Variants in OPA1 observed in about 807,000 individuals in gnomAD.
OPA1 encodes the protein OPA1 mitochondrial dynamin like GTPase, also known as dynamin-like GTPase OPA1, mitochondrial.
In OPA1, 59 loss-of-function variants were observed where a neutral mutation model predicts 152.9. The ratio of observed to expected loss-of-function variants is 0.39; its 90% CI spans 0.31 to 0.48. OPA1 has a LOEUF of 0.48. OPA1 is among the 20% of genes least tolerant of loss of function. The probability of loss-of-function intolerance (pLI) is 0.96; values close to 1 mark genes in which losing one functional copy is unlikely to be tolerated. For missense variants in OPA1, 1,008 were observed against 1,216.8 expected (o/e 0.83, Z 2.55); for synonymous variants, 400 against 389.9 (o/e 1.03, Z -0.31).
chr3:193,665,029 T>G (rs763942680), intron 27 of OPA1, 33 bp downstream of exon 27: 82 of 1,162,310 alleles, frequency 7.1e-5, no homozygotes, highest in Non-Finnish European at 9.6e-5. Flanking sequence ...GAAGTATTTT[T>G]AAGCAACAGT....
Position 193,635,433 on chromosome 3 carries a change from A to C in OPA1, c.859A>C (p.Ile287Leu). The C allele has an allele frequency of 6.3e-7, 1 of 1,598,308 alleles. No homozygotes were observed. The highest frequency in any genetic ancestry group is 8.6e-7 in the Non-Finnish European group (1 of 1,165,910). Residue 287 changes from isoleucine to leucine, a missense_variant, in exon 9 of 31, where the codon ATC becomes CTC. Coordinates refer to ENST00000361510, the MANE Select transcript of OPA1 (RefSeq NM_130837.3). ...LLHTQLKYQR[I>L]LERLEKENKE... ...TTTATTGCAGTTGAAGTATCAGAGA[A>C]TCTTGGAACGATTAGAAAAGGAGAA...
At chr3:193,627,755 A>AT (rs1731395467) in intron 7 of OPA1, among the ~76,000 whole-genome samples, 2 of 152,306 alleles carry the variant, frequency 1.3e-5, no homozygotes, top group South Asian at 4.1e-4. Context: ...GCTAATGTTC[A>AT]TTTTAAGCCT....
intron 29 of OPA1, among the ~76,000 whole-genome samples, chr3:193,688,325 C>G (rs1721191922): frequency 6.6e-6 from 1 of 151,808 alleles, no homozygotes; most frequent in South Asian, 2.1e-4. Flanking sequence ...TTAGTCTTCT[C>G]AAGAGGGCAT....
chr3:193,691,151 G>T (rs1560083014), intron 29 of OPA1, among the ~76,000 whole-genome samples: 1 of 152,230 alleles, frequency 6.6e-6, no homozygotes, highest in Admixed American at 6.5e-5. Context: ...AGCTCAGGAG[G>T]TTGAGGCTGC....
intron 29 of OPA1, among the ~76,000 whole-genome samples, chr3:193,676,746 C>T (rs1280178663): frequency 3.3e-5 from 5 of 151,996 alleles, no homozygotes; most frequent in Admixed American, 6.6e-5. Context: ...TTTAGGAGGC[C>T]AAGGTGGGCG....
At chr3:193,659,096 CTT>C (rs946179903) in intron 24 of OPA1, 101 bp downstream of exon 24, 37 of 863,656 alleles carry the variant, frequency 4.3e-5, no homozygotes, top group Non-Finnish European at 6.8e-5. Flanking sequence ...ATTTCAAAGT[CTT>C]TGTCATTAAT....
At chr3:193,681,208 C>G (rs1192599987) in intron 29 of OPA1, among the ~76,000 whole-genome samples, 3 of 152,022 alleles carry the variant, frequency 2.0e-5, no homozygotes, top group Non-Finnish European at 4.4e-5. Flanking sequence ...AAATATTGTC[C>G]CTCTATGGCC....
intron 20 of OPA1, chr3:193,648,591 A>G (rs756289391): frequency 1.4e-5 from 7 of 509,618 alleles, no homozygotes; most frequent in South Asian, 6.5e-5. Context: ...TTGAGAAGGT[A>G]GATATTTATG....
At chr3:193,688,243 ACT>A (rs576875580) in intron 29 of OPA1, among the ~76,000 whole-genome samples, 150 of 151,488 alleles carry the variant, frequency 9.9e-4, no homozygotes, top group African/African-American at 3.4e-3. Context: ...GACACTGAAG[ACT>A]CTGAGCATTT....
At chr3:193,651,732 G>T (rs1304802505) in intron 21 of OPA1, among the ~76,000 whole-genome samples, 1 of 152,050 alleles carries the variant, frequency 6.6e-6, no homozygotes, top group Admixed American at 6.6e-5. Context: ...AAAACAGTAT[G>T]TATAATTATG....
At chr3:193,681,353 T>C (rs1420721419) in intron 29 of OPA1, among the ~76,000 whole-genome samples, 1 of 152,224 alleles carries the variant, frequency 6.6e-6, no homozygotes, top group African/African-American at 2.4e-5. Flanking sequence ...TTAGTTTGTT[T>C]ATTAATTCCC....
At chr3:193,611,505 G>A (rs1161039945) in intron 1 of OPA1, among the ~76,000 whole-genome samples, 2 of 146,974 alleles carry the variant, frequency 1.4e-5, no homozygotes, top group African/African-American at 2.5e-5. Context: ...GCTGAGGCAA[G>A]AGAATTGCTT....
At chr3:193,690,409 T>G (rs1721525484) in intron 29 of OPA1, among the ~76,000 whole-genome samples, 2 of 145,264 alleles carry the variant, frequency 1.4e-5, no homozygotes, top group Admixed American at 1.5e-4. Context: ...ACCTGTAGTC[T>G]CAGCTACTCA....
At position 193,697,727 on chromosome 3, in the gene OPA1, G is replaced by T; in HGVS notation, c.*3127G>T. ...TCACAGTTGTACTCCATGGTCAACC[G>T]GTGCTTTTTTTCACATCGTGGTACT... On this transcript the variant is annotated 3_prime_UTR_variant, in exon 31 of 31. Transcript: ENST00000361510. 6.6e-6 allele frequency: 1 copy of T among 152,158 alleles called. No homozygotes were observed. The allele number at this position is 152,158 out of a possible 1,614,324, so 9.4% of individuals were successfully genotyped here. A position where few individuals can be genotyped will look rare whatever the true frequency, so the allele number is the denominator to read the frequency against.
chr3:193,687,909 G>A (rs1346047948), intron 29 of OPA1, among the ~76,000 whole-genome samples: 1 of 152,158 alleles, frequency 6.6e-6, no homozygotes, highest in Non-Finnish European at 1.5e-5. Context: ...ATAATAAGGT[G>A]CAACCATTAA....
chr3:193,692,702 T>G (rs960401866), intron 30 of OPA1, among the ~76,000 whole-genome samples: 2 of 152,260 alleles, frequency 1.3e-5, no homozygotes, highest in African/African-American at 4.8e-5. Flanking sequence ...AAAATACATA[T>G]TTAAGGACTT....
At chr3:193,593,971 G>A (rs889754673) in intron 1 of OPA1, among the ~76,000 whole-genome samples, 1 of 152,152 alleles carries the variant, frequency 6.6e-6, no homozygotes, top group Non-Finnish European at 1.5e-5. Flanking sequence ...CAGAGACGGT[G>A]ATTCGAGATG....
chr3:193,593,743 C>T (rs1298381840), intron 1 of OPA1, among the ~76,000 whole-genome samples: 1 of 151,966 alleles, frequency 6.6e-6, no homozygotes, highest in Non-Finnish European at 1.5e-5. Context: ...CCTCTTTTGC[C>T]TTTTTTCTGT....
chr3:193,668,233 A>G (rs1003536337), intron 29 of OPA1: 3 of 956,874 alleles, frequency 3.1e-6, no homozygotes. Context: ...GGCTTCTAGT[A>G]TCCTTAATAT....
Sources: allele counts gnomAD v4.1 joint callset (sites outside exome capture counted in the v4.1 genomes callset), GRCh38; gene constraint gnomAD v4.1.1; transcripts MANE v1.5; gene names NCBI Gene and HGNC (gene_info 2026-07-23, HGNC 2026-07-21).